The following DNAJC13 variants were observed in gnomAD, a reference collection of about 807,000 sequenced individuals.
DNAJC13 encodes the protein dnaJ homolog subfamily C member 13.
A neutral mutation model predicts 290.5 loss-of-function variants in DNAJC13; 75 were observed. That is an observed-to-expected ratio of 0.26 (90% CI 0.21 to 0.31). DNAJC13 has a LOEUF of 0.31. Among genes scored for constraint, DNAJC13 ranks in the 10% least tolerant of loss-of-function variants. DNAJC13 has a pLI of 1.00. For missense variants in DNAJC13, 2,260 were observed against 2,674.5 expected, an observed-to-expected ratio of 0.85 and a Z score of 3.42; for synonymous variants, 862 against 892.0, an observed-to-expected ratio of 0.97 and a Z score of 0.60.
rs1335571458 is a variant in DNAJC13, at chr3:132,536,878, CTACAAGTA to C, written c.6626-1297_6626-1290del. Among the ~76,000 whole-genome samples, 16 of 152,226 alleles carry C rather than the reference CTACAAGTA, an allele frequency of 1.1e-4. No homozygotes were observed. The East Asian group carries it at 3.1e-3, about 29-fold the overall frequency. ...AAAGGAGAAATATTTTTTGTAAGTT[CTACAAGTA>C]CAAGGTTTTTATAAGTACAGCGTTC... On this transcript the variant is annotated intron_variant, in intron 55 of 55. Coordinates refer to ENST00000260818, the MANE Select transcript of DNAJC13 (RefSeq NM_015268.4).
Position 132,505,377 on chromosome 3 carries a change from G to A in DNAJC13, c.4960G>A (p.Glu1654Lys), listed in dbSNP as rs760561123. Residue 1654 changes from glutamate (E) to lysine (K), a missense_variant, in exon 42 of 56, where the codon GAA (glutamate) becomes AAA (lysine). Physicochemically the swap from Glu to Lys is moderately conservative, Grantham distance 56. Around this residue, in one of 3 missense-constraint regions of DNAJC13, gnomAD observed 1,494 missense variants for 1,693.7 expected, o/e 0.88. Transcript: ENST00000260818. ...CAATTCTACAAGAGCAGAATTACTT[G>A]AATTTCTTGAATCCCAACAAGAAAA... ...WNNSTRAELL[E>K]FLESQQENMI... 1.9e-6 allele frequency: 3 copies of A among 1,607,514 alleles called. No homozygotes were observed. Among genetic ancestry groups the A allele is most frequent in the African/African-American group, 2.7e-5 (2 of 74,646 alleles).
At chr3:132,500,348 T>C (rs1474206704) in intron 38 of DNAJC13, among the ~76,000 whole-genome samples, 1 of 152,194 alleles carries the variant, frequency 6.6e-6, no homozygotes, top group African/African-American at 2.4e-5. Flanking sequence ...GTCCGTTGTG[T>C]AAACAGAATT....
At chr3:132,518,669 C>G (rs1234728332) in intron 48 of DNAJC13, among the ~76,000 whole-genome samples, 3 of 151,804 alleles carry the variant, frequency 2.0e-5, no homozygotes, top group African/African-American at 2.4e-5. Context: ...TTTTTTTTTC[C>G]TTTTTGGTAA....
intron 33 of DNAJC13, among the ~76,000 whole-genome samples, chr3:132,493,402 G>A (rs545878305): frequency 1.3e-5 from 2 of 151,882 alleles, no homozygotes; most frequent in South Asian, 4.2e-4. Context: ...GTAGACTCTG[G>A]TACTTATTCA....
Position 132,525,755 on chromosome 3 carries a change from C to T in DNAJC13, c.6206C>T (p.Ala2069Val). 1 of 1,614,102 alleles carries T rather than the reference C, an allele frequency of 6.2e-7. No individual in the cohort carries two copies. Among genetic ancestry groups the T allele is most frequent in the Non-Finnish European group, 8.5e-7 (1 of 1,179,986 alleles). The change falls in exon 52 of 56, where the codon GCC (alanine) becomes GTC (valine). Residue 2069 changes from alanine to valine, a missense_variant. By Grantham distance (64) the Ala-to-Val change is moderately conservative. Around this residue, in one of 3 missense-constraint regions of DNAJC13, gnomAD observed 1,494 missense variants for 1,693.7 expected, o/e 0.88. Transcript: ENST00000260818. The stretch of plus-strand genomic sequence containing the variant: ...AGGAACAATGCCATTCCTAAGAGTG[C>T]CATTCGGGTTATCCATGCCTTGTCT... ...NHRNNAIPKS[A>V]IRVIHALSEN...
Position 132,446,502 on chromosome 3 carries a change from T to G in DNAJC13, c.96T>G (p.Thr32=). Residue 32 remains threonine, a synonymous_variant, in exon 3 of 56, where the codon ACT becomes ACG. Transcript: ENST00000260818. ...ATAAGCGTGTCTTTTCAGTTGGAAC[T>G]CATGCGATTACTACATATAATCCCA... is the stretch of plus-strand genomic sequence containing the variant. ...GKYKRVFSVG[T]HAITTYNPNT... is the part of the protein sequence containing the mutation. The G allele has an allele frequency of 1.9e-6, 3 of 1,609,390 alleles. No individual in the cohort carries two copies.
At chr3:132,481,433 A>C (rs537195770) in intron 26 of DNAJC13, among the ~76,000 whole-genome samples, 1 of 152,146 alleles carries the variant, frequency 6.6e-6, no homozygotes, top group South Asian at 2.1e-4. Context: ...CAAAAACAAA[A>C]AGCCAGATGT....
intron 16 of DNAJC13, 91 bp downstream of exon 16, chr3:132,462,614 G>T: frequency 2.3e-6 from 2 of 853,798 alleles, no homozygotes; most frequent in South Asian, 1.9e-5. Flanking sequence ...AGTCTTTTTG[G>T]GAAATAAACA....
At chr3:132,425,101 T>C (rs1939056033) in intron 1 of DNAJC13, among the ~76,000 whole-genome samples, 1 of 152,156 alleles carries the variant, frequency 6.6e-6, no homozygotes, top group African/African-American at 2.4e-5. Flanking sequence ...TACTCAGATT[T>C]TGAATCCAGT....
intron 53 of DNAJC13, among the ~76,000 whole-genome samples, chr3:132,527,785 T>G (rs1936304123): frequency 6.6e-6 from 1 of 152,200 alleles, no homozygotes. Context: ...AGATTGATGT[T>G]TGAAGAAAAT....
intron 6 of DNAJC13, among the ~76,000 whole-genome samples, chr3:132,451,867 C>T (rs1045042195): frequency 5.3e-5 from 8 of 152,274 alleles, no homozygotes; most frequent in Non-Finnish European, 1.2e-4. Context: ...GAGTTACAGG[C>T]CTTTTTCCAT....
chr3:132,524,362 G>A (rs1381290627), intron 51 of DNAJC13, among the ~76,000 whole-genome samples: 2 of 152,202 alleles, frequency 1.3e-5, no homozygotes, highest in Non-Finnish European at 1.5e-5. Context: ...TACAGAATAA[G>A]GTGATTAAGA....
At chr3:132,432,338 G>A (rs566462340) in intron 1 of DNAJC13, among the ~76,000 whole-genome samples, 194 of 152,212 alleles carry the variant, frequency 1.3e-3, no homozygotes, top group African/African-American at 4.6e-3. Context: ...GGGTAGCTGG[G>A]ATTACAGGCG....
At chr3:132,463,507 C>G (rs1933875640) in intron 16 of DNAJC13, among the ~76,000 whole-genome samples, 189 bp from the exon 17 acceptor site, 1 of 152,070 alleles carries the variant, frequency 6.6e-6, no homozygotes, top group Non-Finnish European at 1.5e-5. Context: ...CAACCTTATT[C>G]CAAAGGTTTA....
At chr3:132,525,856 A>G (rs1936238410) in intron 52 of DNAJC13, 67 bp downstream of exon 52, 2 of 1,524,910 alleles carry the variant, frequency 1.3e-6, no homozygotes, top group Admixed American at 1.9e-5. Context: ...CTTGACGGAT[A>G]TAAGTTGTAG....
At chr3:132,432,287 C>T (rs1012338346) in intron 1 of DNAJC13, among the ~76,000 whole-genome samples, 4 of 152,080 alleles carry the variant, frequency 2.6e-5, no homozygotes, top group African/African-American at 4.8e-5. Flanking sequence ...ACTGCAACCT[C>T]CACCTCCCGG....
intron 1 of DNAJC13, among the ~76,000 whole-genome samples, chr3:132,432,243 C>T (rs112567498): frequency 0.042 from 6,335 of 151,932 alleles, 449 homozygotes; most frequent in African/African-American, 0.14. Context: ...TGCTCTGTTA[C>T]CCAGGCTGGA....
intron 48 of DNAJC13, among the ~76,000 whole-genome samples, chr3:132,520,660 G>C (rs914125645): frequency 3.9e-5 from 6 of 152,186 alleles, no homozygotes; most frequent in African/African-American, 2.4e-5. Context: ...TCAGATGACA[G>C]TAGGTTAGAT....
chr3:132,502,540 A>C, intron 40 of DNAJC13, 72 bp downstream of exon 40: 1 of 1,343,320 alleles, frequency 7.4e-7, no homozygotes, highest in Non-Finnish European at 1.0e-6. Context: ...ATCCAAACCA[A>C]AGCTGCTATC....
Sources: allele counts gnomAD v4.1 joint callset (sites outside exome capture counted in the v4.1 genomes callset), GRCh38; gene constraint gnomAD v4.1.1; regional missense constraint gnomAD v4.1.1; transcripts MANE v1.5; gene names NCBI Gene and HGNC (gene_info 2026-07-23, HGNC 2026-07-21).